PPP3CA: variants seen among roughly 807,000 people sequenced by gnomAD.
PPP3CA encodes protein phosphatase 3 catalytic subunit alpha.
In PPP3CA, 14 loss-of-function variants were observed where a neutral mutation model predicts 66.5. The ratio of observed to expected loss-of-function variants is 0.21; its 90% CI spans 0.14 to 0.33. PPP3CA has a LOEUF of 0.33. Among genes scored for constraint, PPP3CA ranks in the 10% least tolerant of loss-of-function variants. PPP3CA has a pLI of 1.00. For missense variants in PPP3CA, 317 were observed against 639.5 expected, an observed-to-expected ratio of 0.50 and a Z score of 5.44; for synonymous variants, 232 against 226.2, an observed-to-expected ratio of 1.03 and a Z score of -0.23.
intron 1 of PPP3CA, among the ~76,000 whole-genome samples, chr4:101,305,761 A>C (rs1462773573): frequency 6.6e-6 from 1 of 152,230 alleles, no homozygotes; most frequent in East Asian, 1.9e-4. Flanking sequence ...TGCAGAAAAC[A>C]GCAGGTTATG....
intron 1 of PPP3CA, among the ~76,000 whole-genome samples, chr4:101,338,590 A>C (rs1471756136): frequency 1.3e-5 from 2 of 152,218 alleles, no homozygotes. Flanking sequence ...AGACAAGGAA[A>C]CAAGTCATCA....
chr4:101,201,594 T>C (rs1038152680), intron 1 of PPP3CA, among the ~76,000 whole-genome samples: 3 of 152,232 alleles, frequency 2.0e-5, no homozygotes, highest in Non-Finnish European at 4.4e-5. Context: ...AGATGCAATG[T>C]CTTCGCAAGT....
intron 8 of PPP3CA, among the ~76,000 whole-genome samples, chr4:101,073,356 A>T (rs922308267): frequency 6.6e-6 from 1 of 151,126 alleles, no homozygotes. Flanking sequence ...AGCTCACTGC[A>T]ACCTCGGCCT....
At chr4:101,099,539 G>A (rs1322715166) in intron 4 of PPP3CA, 72 bp downstream of exon 4, 13 of 785,096 alleles carry the variant, frequency 1.7e-5, no homozygotes, top group Non-Finnish European at 1.2e-5. Context: ...CATATTGTAT[G>A]TATCTTATTA....
chr4:101,103,460 C>CTAT (rs1306334523), intron 3 of PPP3CA, among the ~76,000 whole-genome samples: 1 of 152,188 alleles, frequency 6.6e-6, no homozygotes, highest in Non-Finnish European at 1.5e-5. Flanking sequence ...GAGCAATGCA[C>CTAT]TATATAGACG....
At chr4:101,149,843 A>C (rs138879432) in intron 2 of PPP3CA, among the ~76,000 whole-genome samples, 41 of 152,288 alleles carry the variant, frequency 2.7e-4, no homozygotes, top group African/African-American at 9.9e-4. Flanking sequence ...GTCTGCAATG[A>C]GCAAAACCAC....
At position 101,168,147 on chromosome 4, in the gene PPP3CA, A is replaced by T. The variant is rs188694614; in HGVS notation, c.259+27769T>A. 3.6e-3 allele frequency among the ~76,000 whole-genome samples: 546 copies of T among 152,328 alleles called. 4 individuals carry two copies. Among genetic ancestry groups the T allele is most frequent in the African/African-American group, 0.013 (525 of 41,586 alleles). ...GTGGAAGGGCTAGTGCAGACAGGGAATGGAGAAGTGATCAAATTCCAGGCA... is the reference window on the plus strand; with the variant it reads ...GTGGAAGGGCTAGTGCAGACAGGGATTGGAGAAGTGATCAAATTCCAGGCA... On this transcript the variant is annotated intron_variant, in intron 2 of 13. Coordinates refer to ENST00000394854, the MANE Select transcript of PPP3CA (RefSeq NM_000944.5).
At chr4:101,047,236 T>C (rs1024634542) in intron 10 of PPP3CA, among the ~76,000 whole-genome samples, 1 of 152,160 alleles carries the variant, frequency 6.6e-6, no homozygotes, top group Admixed American at 6.6e-5. Flanking sequence ...ACCAGGCGCT[T>C]GAGTCCTAGA....
At position 101,024,266 on chromosome 4, in the gene PPP3CA, G is replaced by T. The variant is rs953270616; in HGVS notation, c.*1599C>A. On this transcript the variant is annotated 3_prime_UTR_variant, in exon 14 of 14. Coordinates refer to ENST00000394854, the MANE Select transcript of PPP3CA (RefSeq NM_000944.5). ...TGTGGTGGTGGGCCAGCACCTAGAA[G>T]ACACATGGTGGTTGTGCACATAAAT... 2.0e-5 allele frequency: 3 copies of T among 152,410 alleles called. No individual in the cohort carries two copies. Among genetic ancestry groups the T allele is most frequent in the African/African-American group, 7.2e-5 (3 of 41,460 alleles). The allele number at this position is 152,410 out of a possible 1,614,324, so 9.4% of individuals were successfully genotyped here. A position where few individuals can be genotyped will look rare whatever the true frequency, so the allele number is the denominator to read the frequency against.
intron 6 of PPP3CA, among the ~76,000 whole-genome samples, chr4:101,087,503 C>G (rs959823603): frequency 6.6e-6 from 1 of 152,112 alleles, no homozygotes; most frequent in Non-Finnish European, 1.5e-5. Context: ...TAACCAGTAT[C>G]CTGGCTTATA....
At chr4:101,254,471 C>T (rs1396963680) in intron 1 of PPP3CA, among the ~76,000 whole-genome samples, 2 of 151,834 alleles carry the variant, frequency 1.3e-5, no homozygotes, top group Non-Finnish European at 1.5e-5. Flanking sequence ...TTTGTGATTG[C>T]TCTATCACTT....
intron 2 of PPP3CA, among the ~76,000 whole-genome samples, chr4:101,162,462 A>G (rs1426262597): frequency 1.3e-5 from 2 of 150,006 alleles, no homozygotes; most frequent in African/African-American, 2.5e-5. Context: ...CCTGGGAAGC[A>G]GATGTTGCAG....
chr4:101,169,210 T>C (rs1030630684), intron 2 of PPP3CA, among the ~76,000 whole-genome samples: 2 of 152,206 alleles, frequency 1.3e-5, no homozygotes, highest in Non-Finnish European at 2.9e-5. Flanking sequence ...GGTAATCATG[T>C]ATAGGCAATT....
At position 101,162,590 on chromosome 4, in the gene PPP3CA, A is replaced by T. The variant is rs11945073; in HGVS notation, c.259+33326T>A. 6.6e-3 allele frequency among the ~76,000 whole-genome samples: 997 copies of T among 152,034 alleles called. 13 individuals are homozygous for T. Among genetic ancestry groups the T allele is most frequent in the African/African-American group, 0.023 (935 of 41,432 alleles). ...AAATAAAGGGAAATGTATCAGGTAT[A>T]GAACTGATTTCTGCATCTTTGACAC... On this transcript the variant is annotated intron_variant, in intron 2 of 13. Transcript: ENST00000394854.
intron 1 of PPP3CA, among the ~76,000 whole-genome samples, chr4:101,293,634 C>G (rs1172261086): frequency 2.0e-5 from 3 of 152,170 alleles, no homozygotes; most frequent in Admixed American, 1.3e-4. Context: ...AGAAGATGCT[C>G]CTGTTCCCCA....
rs930260406 is a variant in PPP3CA at position 101,330,456 on chromosome 4, C to T, written c.58+16283G>A. On this transcript the variant is annotated intron_variant, in intron 1 of 13. Coordinates refer to ENST00000394854, the MANE Select transcript of PPP3CA (RefSeq NM_000944.5). Reference sequence around the variant, plus strand: ...TGATAAAGCAACAGCCACCCCAAGACACTGACAGTTCAGATGATCATTAGC... The same window carrying T: ...TGATAAAGCAACAGCCACCCCAAGATACTGACAGTTCAGATGATCATTAGC... 5.6e-6 allele frequency: 3 copies of T among 532,050 alleles called. No homozygotes were observed. In the African/African-American group the frequency reaches 5.8e-5, roughly 10 times the overall value. 33.0% of individuals were successfully genotyped at this position (532,050 alleles called of 1,614,324 possible). A position where few individuals can be genotyped will look rare whatever the true frequency, so the allele number is the denominator to read the frequency against.
chr4:101,157,437 A>G (rs1434980581), intron 2 of PPP3CA, among the ~76,000 whole-genome samples: 3 of 152,220 alleles, frequency 2.0e-5, no homozygotes, highest in Admixed American at 6.5e-5. Context: ...ATTGAAATGA[A>G]AAGTAGGACT....
At chr4:101,058,304 G>C (rs17124) in intron 10 of PPP3CA, among the ~76,000 whole-genome samples, 28,702 of 152,094 alleles carry the variant, frequency 0.19, 2,921 homozygotes, top group Middle Eastern at 0.32. Context: ...TAGCTAAGCA[G>C]AAATAAATTA....
intron 8 of PPP3CA, among the ~76,000 whole-genome samples, chr4:101,065,984 A>C (rs1728663715): frequency 6.6e-6 from 1 of 152,170 alleles, no homozygotes; most frequent in African/African-American, 2.4e-5. Context: ...TATCTGATAT[A>C]TGCCAGGCAT....
Sources: gnomAD v4.1 joint callset for allele counts (sites outside exome capture counted in the v4.1 genomes callset) on GRCh38, gnomAD v4.1.1 for gene constraint, MANE v1.5 for transcripts, NCBI Gene and HGNC (gene_info 2026-07-23, HGNC 2026-07-21) for gene names.